PLAG1: variants seen among roughly 807,000 people sequenced by gnomAD.
The protein encoded by PLAG1 is zinc finger protein PLAG1.
In PLAG1, 7 loss-of-function variants were observed where a neutral mutation model predicts 35.5. The ratio of observed to expected loss-of-function variants is 0.20; its 90% CI spans 0.11 to 0.37. The LOEUF is 0.37. Among genes scored for constraint, PLAG1 ranks in the 10% least tolerant of loss-of-function variants. The pLI, the probability that PLAG1 is intolerant of heterozygous loss-of-function variation, is 1.00. For missense variants in PLAG1, 454 were observed against 602.8 expected (o/e 0.75, Z 2.58); for synonymous variants, 229 against 225.4 (o/e 1.02, Z -0.14).
At chr8:56,170,307 T>G (rs1811489539) in intron 3 of PLAG1, among the ~76,000 whole-genome samples, 1 of 152,216 alleles carries the variant, frequency 6.6e-6, no homozygotes, top group Non-Finnish European at 1.5e-5. Context: ...ACATATGTTC[T>G]TTTTGTTTTA....
chr8:56,203,197 T>C (rs1585828119), intron 1 of PLAG1, among the ~76,000 whole-genome samples: 2 of 152,284 alleles, frequency 1.3e-5, no homozygotes, highest in South Asian at 4.1e-4. Flanking sequence ...ATGTGTATTT[T>C]GTACTTTGTT....
chr8:56,191,326 A>G (rs1187023713), intron 1 of PLAG1, among the ~76,000 whole-genome samples: 3 of 152,160 alleles, frequency 2.0e-5, no homozygotes, highest in Non-Finnish European at 4.4e-5. Context: ...GAGGCCCAGA[A>G]GCATAAACTG....
At chr8:56,196,305 G>A (rs865786001) in intron 1 of PLAG1, among the ~76,000 whole-genome samples, 1 of 152,166 alleles carries the variant, frequency 6.6e-6, no homozygotes, top group African/African-American at 2.4e-5. Context: ...AGCATTTACT[G>A]TATTGGTTTA....
chr8:56,191,723 T>C (rs1812187576), intron 1 of PLAG1, among the ~76,000 whole-genome samples: 3 of 151,964 alleles, frequency 2.0e-5, no homozygotes, highest in Non-Finnish European at 4.4e-5. Flanking sequence ...GCAGGTGTGT[T>C]TTTCTCCCCA....
At chr8:56,188,431 A>G (rs1239424340) in intron 1 of PLAG1, among the ~76,000 whole-genome samples, 1 of 152,212 alleles carries the variant, frequency 6.6e-6, no homozygotes, top group East Asian at 1.9e-4. Context: ...TTACGTGTAT[A>G]TTTTTCTTAC....
At position 56,166,428 on chromosome 8, in the gene PLAG1, G is replaced by A; in HGVS notation, c.1318C>T (p.Leu440Phe). ...PPYNPLSVGS[L>F]GMSYSQEEAH... Reference sequence around the variant, plus strand: ...TCTTCCTGGGAATAGCTCATTCCAAGGCTCCCCACTGATAGAGGATTATAG... The same window carrying A: ...TCTTCCTGGGAATAGCTCATTCCAAAGCTCCCCACTGATAGAGGATTATAG... Residue 440 changes from leucine to phenylalanine, a missense_variant, in exon 5 of 5, where the codon CTT (leucine) becomes TTT (phenylalanine). This residue lies in a region of PLAG1 where 271 missense variants were observed against 315.6 expected (regional missense o/e 0.86). Transcript: ENST00000316981. 6.2e-7 allele frequency: 1 copy of A among 1,613,072 alleles called. No individual in the cohort carries two copies.
Position 56,168,165 on chromosome 8 carries a change from A to G in PLAG1, c.105T>C (p.Pro35=), listed in dbSNP as rs113194801. The G allele has an allele frequency of 1.3e-5, 21 of 1,613,858 alleles. No individual in the cohort carries two copies. The African/African-American group carries it at 1.7e-4, about 13-fold the overall frequency. ...RGETKPRKNF[P]CQLCDKAFNS... ...TAAAGGCCTTGTCACACAGTTGGCA[A>G]GGAAAGTTTTTTCTTGGTTTGGTTT... The change falls in exon 4 of 5, where the codon CCT becomes CCC. Residue 35 remains proline (P), a synonymous_variant. Transcript: ENST00000316981.
At chr8:56,187,924 T>G (rs1812070281) in intron 1 of PLAG1, among the ~76,000 whole-genome samples, 1 of 152,228 alleles carries the variant, frequency 6.6e-6, no homozygotes, top group Non-Finnish European at 1.5e-5. Context: ...AGCAGTCAGT[T>G]TGCATGTTAA....
At chr8:56,207,926 A>G (rs1647065678) in intron 1 of PLAG1, among the ~76,000 whole-genome samples, 1 of 152,108 alleles carries the variant, frequency 6.6e-6, no homozygotes, top group African/African-American at 2.4e-5. Flanking sequence ...TAAAATACAA[A>G]CATGAAGAAA....
In PLAG1 at chr8:56,168,326, A is replaced by C. The variant is rs1811416988; in HGVS notation, c.-57T>G. On this transcript the variant is annotated 5_prime_UTR_variant, in exon 4 of 5. Transcript: ENST00000316981. ...CTTGGGAACTGCCCAACTCCACTAAATGATATAGCTTTAGGTGGCTTCTCA... is the reference window on the plus strand; with the variant it reads ...CTTGGGAACTGCCCAACTCCACTAACTGATATAGCTTTAGGTGGCTTCTCA... The C allele has an allele frequency of 1.3e-6, 2 of 1,511,098 alleles. No individual in the cohort carries two copies. Among genetic ancestry groups the C allele is most frequent in the Non-Finnish European group, 1.8e-6 (2 of 1,126,758 alleles). 93.6% of individuals were successfully genotyped at this position (1,511,098 alleles called of 1,614,324 possible). A position where few individuals can be genotyped will look rare whatever the true frequency, so the allele number is the denominator to read the frequency against.
At chr8:56,197,747 C>CA (rs1812426145) in intron 1 of PLAG1, among the ~76,000 whole-genome samples, 3 of 152,156 alleles carry the variant, frequency 2.0e-5, no homozygotes, top group Non-Finnish European at 4.4e-5. Flanking sequence ...CTGTGTCTGT[C>CA]TTTCTTTGGA....
intron 1 of PLAG1, among the ~76,000 whole-genome samples, chr8:56,193,484 T>C (rs1304196406): frequency 6.6e-6 from 1 of 152,176 alleles, no homozygotes; most frequent in East Asian, 1.9e-4. Flanking sequence ...AAGTCAGAAA[T>C]TATTTATACA....
chr8:56,179,967 T>C (rs1024546720), intron 1 of PLAG1, among the ~76,000 whole-genome samples: 21 of 152,036 alleles, frequency 1.4e-4, no homozygotes, highest in African/African-American at 4.8e-4. Context: ...CAGAGAAGGG[T>C]GCAAGCCACT....
At chr8:56,195,320 G>C (rs2129232360) in intron 1 of PLAG1, among the ~76,000 whole-genome samples, 1 of 152,282 alleles carries the variant, frequency 6.6e-6, no homozygotes, top group East Asian at 1.9e-4. Flanking sequence ...CAATACCCAT[G>C]TTAGGGAGCC....
intron 1 of PLAG1, among the ~76,000 whole-genome samples, chr8:56,198,272 T>G (rs1392402322): frequency 6.6e-6 from 1 of 151,962 alleles, no homozygotes; most frequent in African/African-American, 2.4e-5. Context: ...TACCCACGCA[T>G]GGTATGGAGC....
At chr8:56,170,262 A>G (rs935061910) in intron 3 of PLAG1, among the ~76,000 whole-genome samples, 2 of 152,236 alleles carry the variant, frequency 1.3e-5, no homozygotes, top group African/African-American at 2.4e-5. Context: ...TTTAAAAGTG[A>G]CATTAACACA....
intron 1 of PLAG1, among the ~76,000 whole-genome samples, chr8:56,200,620 T>C (rs1812520331): frequency 6.6e-6 from 1 of 152,216 alleles, no homozygotes; most frequent in Non-Finnish European, 1.5e-5. Context: ...CAATCAGATC[T>C]CAGCACACCT....
chr8:56,161,018 T>A lies in PLAG1; in HGVS notation c.*5225A>T. 1 of 181,500 alleles carries A rather than the reference T, an allele frequency of 5.5e-6. No homozygotes were observed. Among genetic ancestry groups the A allele is most frequent in the Non-Finnish European group, 1.2e-5 (1 of 84,770 alleles). 11.2% of individuals were successfully genotyped at this position (181,500 alleles called of 1,614,324 possible). A position where few individuals can be genotyped will look rare whatever the true frequency, so the allele number is the denominator to read the frequency against. ...AGAAGCTGCAGTACTATTATTTAAT[T>A]AGCAGCAAATTAATATTTTAAATCT... is the stretch of plus-strand genomic sequence containing the variant. On this transcript the variant is annotated 3_prime_UTR_variant, in exon 5 of 5. Transcript: ENST00000316981.
chr8:56,207,812 A>C (rs1371563689), intron 1 of PLAG1, among the ~76,000 whole-genome samples: 1 of 152,128 alleles, frequency 6.6e-6, no homozygotes, highest in Non-Finnish European at 1.5e-5. Context: ...CTTCAAATTA[A>C]ATATTGTGCT....
Sources: allele counts gnomAD v4.1 joint callset (sites outside exome capture counted in the v4.1 genomes callset), GRCh38; gene constraint gnomAD v4.1.1; regional missense constraint gnomAD v4.1.1; transcripts MANE v1.5; gene names NCBI Gene and HGNC (gene_info 2026-07-23, HGNC 2026-07-21).